The following CACNB2 variants were observed in gnomAD, a reference collection of about 807,000 sequenced individuals.
CACNB2 encodes the protein voltage-dependent L-type calcium channel subunit beta-2.
Under a neutral mutation model 73.3 loss-of-function variants are expected in CACNB2, and 42 were observed. That is an observed-to-expected ratio of 0.57 (90% CI 0.45 to 0.74). CACNB2 has a LOEUF of 0.74. Among genes scored for constraint, CACNB2 ranks in the 30% least tolerant of loss-of-function variants. The pLI is 0.00. For missense variants in CACNB2, 940 were observed against 853.0 expected, an observed-to-expected ratio of 1.10 and a Z score of -1.27; for synonymous variants, 348 against 310.3, an observed-to-expected ratio of 1.12 and a Z score of -1.28.
chr10:18,483,542 A>G (rs903934055), intron 3 of CACNB2, among the ~76,000 whole-genome samples: 7 of 151,816 alleles, frequency 4.6e-5, no homozygotes, highest in East Asian at 1.9e-4. Flanking sequence ...AAAAAAAAAA[A>G]AAAAGAAAAG....
intron 2 of CACNB2, among the ~76,000 whole-genome samples, chr10:18,390,993 G>A (rs1244314211): frequency 2.6e-5 from 4 of 152,194 alleles, no homozygotes; most frequent in African/African-American, 7.2e-5. Flanking sequence ...AATGGGAAAA[G>A]AAGCTTCACA....
At chr10:18,301,724 C>T (rs1219574740) in intron 2 of CACNB2, among the ~76,000 whole-genome samples, 2 of 151,506 alleles carry the variant, frequency 1.3e-5, no homozygotes, top group Non-Finnish European at 2.9e-5. Flanking sequence ...TCTCAGCTCA[C>T]TGCAACCTCC....
At chr10:18,172,909 G>A (rs994915787) in intron 2 of CACNB2, among the ~76,000 whole-genome samples, 4 of 128,186 alleles carry the variant, frequency 3.1e-5, no homozygotes, top group Non-Finnish European at 6.7e-5. Flanking sequence ...CTTCAAATAG[G>A]GAAAATAATA....
intron 3 of CACNB2, among the ~76,000 whole-genome samples, chr10:18,497,704 C>T (rs535702446): frequency 1.3e-5 from 2 of 152,266 alleles, no homozygotes; most frequent in Non-Finnish European, 2.9e-5. Context: ...GGATTACAGG[C>T]ATGAGCCACC....
intron 3 of CACNB2, among the ~76,000 whole-genome samples, chr10:18,448,306 C>T (rs866379808): frequency 1.3e-5 from 2 of 151,846 alleles, no homozygotes; most frequent in Non-Finnish European, 2.9e-5. Context: ...ACCATCTCTA[C>T]TAAAAACACA....
intron 2 of CACNB2, among the ~76,000 whole-genome samples, chr10:18,377,822 C>T (rs1040221495): frequency 6.6e-6 from 1 of 152,162 alleles, no homozygotes; most frequent in African/African-American, 2.4e-5. Context: ...TGGTAGAAAG[C>T]TGTTTTATTA....
At chr10:18,255,425 C>T (rs1312727013) in intron 2 of CACNB2, among the ~76,000 whole-genome samples, 1 of 152,170 alleles carries the variant, frequency 6.6e-6, no homozygotes, top group East Asian at 1.9e-4. Flanking sequence ...CCTCTACATT[C>T]TCATAGTATT....
At position 18,529,206 on chromosome 10, in the gene CACNB2, G is replaced by A. The variant is rs540832973; in HGVS notation, c.1054+1509G>A. 1.1e-4 allele frequency among the ~76,000 whole-genome samples: 17 copies of A among 152,248 alleles called. No homozygotes were observed. In the South Asian group the frequency reaches 3.3e-3, roughly 30 times the overall value. ...AAGTAATTTTTTAGACTCATCAGTG[G>A]AATCAATTACATAACAGATTTCCTT... On this transcript the variant is annotated intron_variant, in intron 10 of 13. Coordinates refer to ENST00000324631, the MANE Select transcript of CACNB2 (RefSeq NM_201596.3).
intron 11 of CACNB2, among the ~76,000 whole-genome samples, chr10:18,535,266 A>G (rs1310818148): frequency 6.6e-6 from 1 of 152,148 alleles, no homozygotes; most frequent in Non-Finnish European, 1.5e-5. Context: ...CCATTTGTTG[A>G]GTTTTAGTGT....
intron 2 of CACNB2, among the ~76,000 whole-genome samples, chr10:18,386,571 T>A (rs976963289): frequency 2.1e-4 from 32 of 151,744 alleles, no homozygotes; most frequent in African/African-American, 7.3e-4. Context: ...CCCTGCTAAT[T>A]TTTTTGCATT....
chr10:18,376,031 A>T (rs1218400027), intron 2 of CACNB2, among the ~76,000 whole-genome samples: 1 of 152,184 alleles, frequency 6.6e-6, no homozygotes, highest in African/African-American at 2.4e-5. Flanking sequence ...TTTGGGAGAG[A>T]TATTTGCACT....
At chr10:18,388,199 G>T (rs1174652343) in intron 2 of CACNB2, among the ~76,000 whole-genome samples, 1 of 152,148 alleles carries the variant, frequency 6.6e-6, no homozygotes, top group African/African-American at 2.4e-5. Flanking sequence ...TGCAACAAAA[G>T]ATGCTTTTTC....
chr10:18,508,885 G>A (rs1335355768), intron 6 of CACNB2, among the ~76,000 whole-genome samples: 2 of 152,296 alleles, frequency 1.3e-5, no homozygotes, highest in East Asian at 3.9e-4. Context: ...GTGAAAGGAG[G>A]TGCTGCATTT....
chr10:18,417,530 G>T (rs1216900989), intron 3 of CACNB2, among the ~76,000 whole-genome samples: 1 of 151,506 alleles, frequency 6.6e-6, no homozygotes, highest in Non-Finnish European at 1.5e-5. Flanking sequence ...CACCACACCC[G>T]GCTAATTTTT....
chr10:18,349,959 A>G (rs1247327498), intron 2 of CACNB2, among the ~76,000 whole-genome samples: 1 of 152,092 alleles, frequency 6.6e-6, no homozygotes, highest in African/African-American at 2.4e-5. Flanking sequence ...TTAATTCCGT[A>G]ACAGCTGGGT....
intron 2 of CACNB2, among the ~76,000 whole-genome samples, chr10:18,315,509 A>AAC (rs1180169702): frequency 1.7e-5 from 2 of 119,506 alleles, no homozygotes; most frequent in African/African-American, 3.2e-5. Flanking sequence ...TAAAAAAAAA[A>AAC]AAAAAAAAAA....
At chr10:18,237,544 G>A (rs973043380) in intron 2 of CACNB2, among the ~76,000 whole-genome samples, 1 of 152,188 alleles carries the variant, frequency 6.6e-6, no homozygotes, top group African/African-American at 2.4e-5. Context: ...CCAACACCTT[G>A]ATTTTGAATG....
intron 2 of CACNB2, among the ~76,000 whole-genome samples, chr10:18,389,750 A>G (rs1354531357): frequency 1.3e-5 from 2 of 152,194 alleles, no homozygotes; most frequent in African/African-American, 4.8e-5. Flanking sequence ...AACTATCAAC[A>G]AGGTGTGAAA....
At chr10:18,261,050 A>G (rs2131595720) in intron 2 of CACNB2, 1 of 1,247,436 alleles carries the variant, frequency 8.0e-7, no homozygotes, top group African/African-American at 1.6e-5. Context: ...TACGCCCCCC[A>G]CCCCCAAAAA....
Sources: gnomAD v4.1 joint callset for allele counts (sites outside exome capture counted in the v4.1 genomes callset) on GRCh38, gnomAD v4.1.1 for gene constraint, MANE v1.5 for transcripts, NCBI Gene and HGNC (gene_info 2026-07-23, HGNC 2026-07-21) for gene names.